CNTN6: variants seen among roughly 807,000 people sequenced by gnomAD.
The protein encoded by CNTN6 is contactin-6.
In CNTN6, 137 loss-of-function variants were observed where a neutral mutation model predicts 122.8. That is an observed-to-expected ratio of 1.12 (90% confidence interval 0.97 to 1.29). The LOEUF (loss-of-function observed/expected upper bound fraction) is 1.29, where lower values mean the gene tolerates loss of function less well. Among genes scored for constraint, CNTN6 ranks in the 50% most tolerant of loss-of-function variants. CNTN6 has a pLI of 0.00. For missense variants in CNTN6, 1,634 were observed against 1,223.4 expected, an observed-to-expected ratio of 1.34 and a Z score of -5.01; for synonymous variants, 570 against 426.0, an observed-to-expected ratio of 1.34 and a Z score of -4.16.
intron 19 of CNTN6, among the ~76,000 whole-genome samples, chr3:1,384,979 C>T (rs1183872477): frequency 6.6e-6 from 1 of 151,718 alleles, no homozygotes; most frequent in African/African-American, 2.4e-5. Flanking sequence ...AGCTCTACTC[C>T]CATCAATTCC....
chr3:1,196,945 G>T (rs773005462), intron 2 of CNTN6, among the ~76,000 whole-genome samples: 1 of 152,100 alleles, frequency 6.6e-6, no homozygotes, highest in Non-Finnish European at 1.5e-5. Context: ...ATAGCTGTGG[G>T]AGAAGAAACC....
At chr3:1,329,650 A>G (rs1337388763) in intron 10 of CNTN6, 135 bp from the exon 11 acceptor site, 3 of 650,060 alleles carry the variant, frequency 4.6e-6, no homozygotes, top group Non-Finnish European at 7.5e-6. Context: ...TGGTCCAAGA[A>G]CACCTTGAGC....
intron 20 of CNTN6, among the ~76,000 whole-genome samples, chr3:1,388,290 C>G (rs549700197): frequency 1.4e-5 from 2 of 147,522 alleles, no homozygotes; most frequent in African/African-American, 5.0e-5. Flanking sequence ...AGGCACCCCC[C>G]AGCAGGGGCA....
chr3:1,335,823 G>T (rs573258384), intron 11 of CNTN6, among the ~76,000 whole-genome samples: 3 of 152,174 alleles, frequency 2.0e-5, no homozygotes, highest in Admixed American at 2.0e-4. Context: ...GAGTTCAGGA[G>T]TTCGAGACCA....
At chr3:1,211,919 A>G (rs2094044328) in intron 2 of CNTN6, among the ~76,000 whole-genome samples, 2 of 152,184 alleles carry the variant, frequency 1.3e-5, no homozygotes. Flanking sequence ...ACATGCCTTT[A>G]AGGATCTCCA....
At position 1,295,964 on chromosome 3, in the gene CNTN6, C is replaced by G. The variant is rs544744696; in HGVS notation, c.658+160C>G. 3.9e-5 allele frequency among the ~76,000 whole-genome samples: 6 copies of G among 152,296 alleles called. 1 individual carries two copies. The highest frequency in any genetic ancestry group is 2.1e-4 in the South Asian group (1 of 4,828). ...AACCAGAAATATAACAGAAAATTAT[C>G]TAATTCACCCACATGGTGCAGTAGA... On this transcript the variant is annotated intron_variant, in intron 6 of 22. Transcript: ENST00000446702.
intron 12 of CNTN6, among the ~76,000 whole-genome samples, chr3:1,363,112 C>A (rs988436279): frequency 6.6e-6 from 1 of 151,778 alleles, no homozygotes; most frequent in Non-Finnish European, 1.5e-5. Context: ...ATAAAAATTT[C>A]ATATATTTAA....
chr3:1,311,965 T>C (rs764089106), intron 7 of CNTN6, among the ~76,000 whole-genome samples: 7 of 152,056 alleles, frequency 4.6e-5, no homozygotes, highest in Non-Finnish European at 8.8e-5. Flanking sequence ...TCATGAATAA[T>C]AATGTAATGA....
intron 1 of CNTN6, among the ~76,000 whole-genome samples, chr3:1,100,473 A>G (rs28457185): frequency 0.086 from 13,061 of 152,150 alleles, 1,863 homozygotes; most frequent in African/African-American, 0.3. Flanking sequence ...GTTCACTGCA[A>G]TGTATGTAGT....
At chr3:1,143,314 C>T (rs562199085) in intron 1 of CNTN6, among the ~76,000 whole-genome samples, 24 of 152,124 alleles carry the variant, frequency 1.6e-4, no homozygotes, top group South Asian at 1.2e-3. Flanking sequence ...AGTAAATACA[C>T]GTTAGTTTAT....
At chr3:1,301,710 TGAAGCATCTGCTCGGTCAAAGC>T (rs72184598) in intron 7 of CNTN6, among the ~76,000 whole-genome samples, 6,674 of 152,244 alleles carry the variant, frequency 0.044, 482 homozygotes, top group African/African-American at 0.15. Context: ...ATGGAAAGTC[TGAAGCATCTGCTCGGTCAAAGC>T]GGTAGCGTTA....
intron 3 of CNTN6, among the ~76,000 whole-genome samples, chr3:1,224,777 G>C (rs912616241): frequency 2.6e-5 from 4 of 152,072 alleles, no homozygotes; most frequent in Non-Finnish European, 5.9e-5. Flanking sequence ...AGACAGTCTT[G>C]CTCTGTCAGC....
chr3:1,253,004 C>T (rs554692440), intron 4 of CNTN6, among the ~76,000 whole-genome samples: 1 of 152,312 alleles, frequency 6.6e-6, no homozygotes, highest in African/African-American at 2.4e-5. Flanking sequence ...CATTTTCTTC[C>T]TCTGAACTGC....
At chr3:1,310,536 T>C (rs567233507) in intron 7 of CNTN6, among the ~76,000 whole-genome samples, 30 of 152,318 alleles carry the variant, frequency 2.0e-4, no homozygotes. Context: ...TTGAGGATTT[T>C]TCCATTTGTA....
At chr3:1,284,225 G>T (rs1287011511) in intron 5 of CNTN6, among the ~76,000 whole-genome samples, 1 of 152,180 alleles carries the variant, frequency 6.6e-6, no homozygotes, top group Non-Finnish European at 1.5e-5. Flanking sequence ...CAGTAAAGAT[G>T]TTGACAATTC....
chr3:1,292,474 C>T (rs535876064), intron 5 of CNTN6, among the ~76,000 whole-genome samples: 17 of 152,068 alleles, frequency 1.1e-4, no homozygotes, highest in African/African-American at 3.6e-4. Context: ...TGGAGGGTGT[C>T]GAAAACACAG....
intron 12 of CNTN6, among the ~76,000 whole-genome samples, chr3:1,354,229 C>T (rs961981836): frequency 1.4e-5 from 2 of 145,706 alleles, no homozygotes; most frequent in South Asian, 4.2e-4. Flanking sequence ...GCCATGTTTT[C>T]TGCAAGTTAG....
At chr3:1,171,415 C>T (rs1416527173) in intron 2 of CNTN6, among the ~76,000 whole-genome samples, 1 of 152,212 alleles carries the variant, frequency 6.6e-6, no homozygotes, top group East Asian at 1.9e-4. Context: ...ATAATCTCAA[C>T]ACTGCTGAGC....
chr3:1,228,079 A>T, intron 4 of CNTN6, 86 bp downstream of exon 4: 1 of 1,308,128 alleles, frequency 7.6e-7, no homozygotes, highest in South Asian at 1.3e-5. Context: ...TAGCTTTGCC[A>T]ATGATATATT....
Sources: gnomAD v4.1 joint callset for allele counts (sites outside exome capture counted in the v4.1 genomes callset) on GRCh38, gnomAD v4.1.1 for gene constraint, MANE v1.5 for transcripts, NCBI Gene and HGNC (gene_info 2026-07-23, HGNC 2026-07-21) for gene names.